FLII: variants seen among roughly 807,000 people sequenced by gnomAD.
The protein encoded by FLII is FLII actin remodeling protein.
Under a neutral mutation model 156.2 loss-of-function variants are expected in FLII, and 101 were observed. The observed-to-expected ratio is 0.65, with a 90% CI of 0.55 to 0.76. The LOEUF is 0.76. Ranked by LOEUF, FLII falls within the 30% of genes least tolerant of loss-of-function variation. The pLI, the probability that FLII is intolerant of heterozygous loss-of-function variation, is 0.00. For synonymous variants in FLII, 767 were observed against 685.8 expected (o/e 1.12, Z -1.85); for missense variants, 1,675 against 1,682.8 (o/e 1.00, Z 0.08).
chr17:18,258,470 G>C lies in FLII; in HGVS notation c.63+158C>G. ...ACAGGCACTGGGCGGAGGCCTCGGAGGTCCATTCCTGGCCAGGGGAGAGCC... is the reference window on the plus strand; with the variant it reads ...ACAGGCACTGGGCGGAGGCCTCGGACGTCCATTCCTGGCCAGGGGAGAGCC... On this transcript the variant is annotated intron_variant, in intron 1 of 29. Coordinates refer to ENST00000327031, the MANE Select transcript of FLII (RefSeq NM_002018.4). The surrounding 1 kb of genome is among the most constrained non-coding windows in gnomAD (Gnocchi z 4.2). 1 of 1,511,558 alleles carries C rather than the reference G, an allele frequency of 6.6e-7. No homozygotes were observed. 93.6% of individuals were successfully genotyped at this position (1,511,558 alleles called of 1,614,324 possible). A position where few individuals can be genotyped will look rare whatever the true frequency, so the allele number is the denominator to read the frequency against.
Position 18,245,994 on chromosome 17 carries a change from G to C in FLII, c.3336C>G (p.Asp1112Glu). 6.2e-7 allele frequency: 1 copy of C among 1,614,110 alleles called. No individual in the cohort carries two copies. Among genetic ancestry groups the C allele is most frequent in the Non-Finnish European group, 8.5e-7 (1 of 1,180,018 alleles). ...YAWVGRASDP[D>E]EAKLAEDILN... ...GGATGTCTTCTGCCAACTTGGCTTCGTCAGGGTCTGATGCCCGGCCCACCC... is the reference window on the plus strand; with the variant it reads ...GGATGTCTTCTGCCAACTTGGCTTCCTCAGGGTCTGATGCCCGGCCCACCC... The change falls in exon 26 of 30, where the codon GAC becomes GAG. Residue 1112 changes from aspartate (D) to glutamate (E), a missense_variant. Around this residue, in one of 2 missense-constraint regions of FLII, gnomAD observed 1,332 missense variants for 1,269.3 expected, o/e 1.05. Transcript: ENST00000327031.
intron 10 of FLII, 25 bp downstream of exon 10, chr17:18,252,447 C>A (rs145518270): frequency 6.2e-7 from 1 of 1,604,534 alleles, no homozygotes; most frequent in Non-Finnish European, 8.5e-7. Flanking sequence ...CTCTCTTGAG[C>A]CCTCTCAAAC....
Position 18,256,946 on chromosome 17 carries a change from C to A in FLII, c.137G>T (p.Cys46Phe). 1.2e-6 allele frequency: 2 copies of A among 1,612,002 alleles called. No individual in the cohort carries two copies. The highest frequency in any genetic ancestry group is 1.7e-6 in the Non-Finnish European group (2 of 1,179,278). Residue 46 changes from cysteine (C) to phenylalanine (F), a missense_variant, in exon 2 of 30, where the codon TGC (cysteine) becomes TTC (phenylalanine). This residue lies in a region of FLII where 343 missense variants were observed against 413.5 expected (regional missense o/e 0.83). Transcript: ENST00000327031. ...RWLKLNRTGL[C>F]YLPEELAALQ... The stretch of plus-strand genomic sequence containing the variant: ...GGCGGCCAGCTCCTCGGGCAGGTAG[C>A]AGAGGCCAGTGCGGTTCAGCTTCAG...
chr17:18,255,178 C>G lies in FLII; in HGVS notation c.327+5G>C. The G allele has an allele frequency of 6.2e-7, 1 of 1,611,744 alleles. No homozygotes were observed. The highest frequency in any genetic ancestry group is 8.5e-7 in the Non-Finnish European group (1 of 1,177,834). ...CAGGGGCCAGGTGAGTGGGTAGCCA[C>G]TGACCAGGACTGAGAGATCATCTAG... On this transcript the variant is annotated splice_donor_5th_base_variant and intron_variant, in intron 4 of 29. Coordinates refer to ENST00000327031, the MANE Select transcript of FLII (RefSeq NM_002018.4).
In FLII at chr17:18,255,207, G is replaced by A. The variant is rs2048379328; in HGVS notation, c.303C>T (p.Phe101=). ...LKNSGVPDDI[F]KLDDLSVLDL... The stretch of plus-strand genomic sequence containing the variant: ...CCAGGACTGAGAGATCATCTAGCTT[G>A]AAGATGTCATCGGGGACTCCGGAAT... Residue 101 remains phenylalanine (F), a synonymous_variant, in exon 4 of 30, where the codon TTC becomes TTT. Transcript: ENST00000327031. The A allele has an allele frequency of 1.2e-6, 2 of 1,613,864 alleles. No individual in the cohort carries two copies. Among genetic ancestry groups the A allele is most frequent in the Non-Finnish European group, 1.7e-6 (2 of 1,179,860 alleles).
chr17:18,254,694 G>C lies in FLII; in HGVS notation c.414-12C>G, dbSNP rs1393042639. The stretch of plus-strand genomic sequence containing the variant: ...GGATGGTGTCGATGCTACGGGTGGG[G>C]AGCAGGAGCCACCTGAGTCAGCACC... On this transcript the variant is annotated splice_polypyrimidine_tract_variant and intron_variant, in intron 5 of 29. Coordinates refer to ENST00000327031, the MANE Select transcript of FLII (RefSeq NM_002018.4). 1 of 1,613,712 alleles carries C rather than the reference G, an allele frequency of 6.2e-7. No individual in the cohort carries two copies. Among genetic ancestry groups the C allele is most frequent in the East Asian group, 2.2e-5 (1 of 44,860 alleles).
Position 18,254,669 on chromosome 17 carries a change from G to A in FLII, c.427C>T (p.Pro143Ser), listed in dbSNP as rs753523225. 79 of 1,613,858 alleles carry A rather than the reference G, an allele frequency of 4.9e-5. 1 individual carries two copies. The South Asian group carries it at 8.3e-4, about 17-fold the overall frequency. ...NLSHNSIDTI[P>S]NQLFINLTDL... The stretch of plus-strand genomic sequence containing the variant: ...GTGAGGTTGATGAAGAGCTGGTTGG[G>A]GATGGTGTCGATGCTACGGGTGGGG... Residue 143 changes from proline to serine, a missense_variant, in exon 6 of 30, where the codon CCC (proline) becomes TCC (serine). Pro to Ser is a moderately conservative substitution (Grantham distance 74). Coordinates refer to ENST00000327031, the MANE Select transcript of FLII (RefSeq NM_002018.4).
chr17:18,246,950 G>A lies in FLII; in HGVS notation c.2779C>T (p.His927Tyr), dbSNP rs2048084417. 1 of 1,614,090 alleles carries A rather than the reference G, an allele frequency of 6.2e-7. No homozygotes were observed. Among genetic ancestry groups the A allele is most frequent in the South Asian group, 1.1e-5 (1 of 91,072 alleles). Residue 927 changes from histidine to tyrosine, a missense_variant, in exon 22 of 30, where the codon CAC (histidine) becomes TAC (tyrosine). This residue lies in a region of FLII where 1,332 missense variants were observed against 1,269.3 expected (regional missense o/e 1.05). Transcript: ENST00000327031. ...FARLPEEEFG[H>Y]FYTQDCYVFL... ...ACGTAGCAGTCCTGCGTGTAGAAGT[G>A]GCCAAACTCCTCTTCCGGCAGCCGC...
chr17:18,250,775 C>T (rs1306341074), intron 14 of FLII, 63 bp downstream of exon 14: 7 of 1,546,756 alleles, frequency 4.5e-6, no homozygotes, highest in Non-Finnish European at 5.3e-6. Context: ...GGGCCCACTG[C>T]CCCTGCACCA....
rs1489800868 is a variant in FLII, at chr17:18,246,146, A to T, written c.3267+16T>A. On this transcript the variant is annotated intron_variant, in intron 25 of 29. Coordinates refer to ENST00000327031, the MANE Select transcript of FLII (RefSeq NM_002018.4). ...CCCTTGGTCCACGGAGTCCTGGCTC[A>T]CACCCACAACCCCACCTTGAGGATG... 2 of 1,613,938 alleles carry T rather than the reference A, an allele frequency of 1.2e-6. No individual in the cohort carries two copies. Among genetic ancestry groups the T allele is most frequent in the African/African-American group, 2.7e-5 (2 of 74,898 alleles).
Position 18,256,581 on chromosome 17 carries a change from C to G in FLII, c.191G>C (p.Ser64Thr). Residue 64 changes from serine (S) to threonine (T), a missense_variant, in exon 3 of 30, where the codon AGC becomes ACC. Physicochemically the swap from Ser to Thr is moderately conservative, Grantham distance 58. Around this residue, in one of 2 missense-constraint regions of FLII, gnomAD observed 343 missense variants for 413.5 expected, o/e 0.83. Transcript: ENST00000327031. Reference sequence around the variant, plus strand: ...ATGAAGCGTGGTCAGGTTGTTGTGGCTCACAGACAAGTGTTCCTGGGCCGG... The same window carrying G: ...ATGAAGCGTGGTCAGGTTGTTGTGGGTCACAGACAAGTGTTCCTGGGCCGG... The part of the protein sequence containing the change: ...ALQKLEHLSV[S>T]HNNLTTLHGE... The G allele has an allele frequency of 6.4e-7, 1 of 1,551,698 alleles. No homozygotes were observed. The highest frequency in any genetic ancestry group is 8.7e-7 in the Non-Finnish European group (1 of 1,147,014).
At chr17:18,250,195 G>A (rs534735315) in intron 14 of FLII, among the ~76,000 whole-genome samples, 8 of 152,250 alleles carry the variant, frequency 5.3e-5, no homozygotes, top group South Asian at 2.1e-4. Context: ...ATATGGACAC[G>A]TTCACCCACG....
Position 18,245,948 on chromosome 17 carries a change from A to T in FLII, c.3382T>A (p.Ser1128Thr), listed in dbSNP as rs779718707. 5 of 1,613,902 alleles carry T rather than the reference A, an allele frequency of 3.1e-6. No homozygotes were observed. Among genetic ancestry groups the T allele is most frequent in the African/African-American group, 1.3e-5 (1 of 74,958 alleles). The change falls in exon 26 of 30, where the codon TCC becomes ACC. Residue 1128 changes from serine (S) to threonine (T), a missense_variant. Coordinates refer to ENST00000327031, the MANE Select transcript of FLII (RefSeq NM_002018.4). The stretch of plus-strand genomic sequence containing the variant: ...CGCCTCCTGACCTGCTTGCTGTAGG[A>T]GGTGTCAAACATGGTGTTCAGGATG... ...EDILNTMFDT[S>T]YSKQVINEGE...
At position 18,250,978 on chromosome 17, in the gene FLII, A is replaced by T. The variant is rs1189874628; in HGVS notation, c.1636T>A (p.Tyr546Asn). ...GTGGCCTCCCCGCCAATCCAGTAGT[A>T]GATCTCCCAGTTGAGGGAGCCGCTG... ...DDSGSLNWEIYYWIGGEATLD... is the reference protein window; with the variant it reads ...DDSGSLNWEINYWIGGEATLD... The change falls in exon 14 of 30, where the codon TAC (tyrosine) becomes AAC (asparagine). Residue 546 changes from tyrosine to asparagine, a missense_variant. Physicochemically the swap from Tyr to Asn is moderately radical, Grantham distance 143. Around this residue, in one of 2 missense-constraint regions of FLII, gnomAD observed 1,332 missense variants for 1,269.3 expected, o/e 1.05. Coordinates refer to ENST00000327031, the MANE Select transcript of FLII (RefSeq NM_002018.4). The T allele has an allele frequency of 1.2e-6, 2 of 1,613,870 alleles. No individual in the cohort carries two copies. The highest frequency in any genetic ancestry group is 1.7e-6 in the Non-Finnish European group (2 of 1,179,900).
intron 12 of FLII, 53 bp from the exon 13 acceptor site, chr17:18,251,530 G>T: frequency 6.4e-7 from 1 of 1,568,166 alleles, no homozygotes. Context: ...ACTCAGGCCA[G>T]TCTTTACTTG....
At chr17:18,247,467 G>A (rs1309326484) in intron 20 of FLII, 110 bp from the exon 21 acceptor site, 3 of 1,194,990 alleles carry the variant, frequency 2.5e-6, no homozygotes, top group East Asian at 2.4e-5. Context: ...CGGGGCTTGG[G>A]AGGCGGGGCC....
rs772240221 is a variant in FLII at position 18,245,988 on chromosome 17, G to C, written c.3342C>G (p.Ala1114=). ...TGTTCAGGATGTCTTCTGCCAACTT[G>C]GCTTCGTCAGGGTCTGATGCCCGGC... is the stretch of plus-strand genomic sequence containing the variant. ...WVGRASDPDE[A]KLAEDILNTM... is the part of the protein sequence containing the mutation. The change falls in exon 26 of 30, where the codon GCC becomes GCG. Residue 1114 remains alanine, a synonymous_variant. Transcript: ENST00000327031. 3.2e-5 allele frequency: 51 copies of C among 1,613,928 alleles called. No homozygotes were observed. Among genetic ancestry groups the C allele is most frequent in the Non-Finnish European group, 4.3e-5 (51 of 1,180,018 alleles).
At position 18,246,774 on chromosome 17, in the gene FLII, C is replaced by T. The variant is rs767578353; in HGVS notation, c.2871G>A (p.Glu957=). 10 of 1,588,224 alleles carry T rather than the reference C, an allele frequency of 6.3e-6. No homozygotes were observed. Among genetic ancestry groups the T allele is most frequent in the Non-Finnish European group, 8.6e-6 (10 of 1,159,474 alleles). ...EEEEKKEDKE[E]KAEGKEGEEA... ...CCTCGCCTTCTTTGCCCTCGGCCTTCTCCTCCTTGTCTTCCTTCTTTTCCT... is the reference window on the plus strand; with the variant it reads ...CCTCGCCTTCTTTGCCCTCGGCCTTTTCCTCCTTGTCTTCCTTCTTTTCCT... Residue 957 remains glutamate, a synonymous_variant, in exon 23 of 30, where the codon GAG becomes GAA. Transcript: ENST00000327031.
chr17:18,245,912 G>A (rs774697171), intron 26 of FLII, 22 bp downstream of exon 26: 21 of 1,611,492 alleles, frequency 1.3e-5, no homozygotes, highest in Middle Eastern at 1.6e-4. Context: ...GTGTGTGCCC[G>A]CCTGCCCGCC....
Sources: gnomAD v4.1 joint callset for allele counts (sites outside exome capture counted in the v4.1 genomes callset) on GRCh38, gnomAD v4.1.1 for gene constraint, gnomAD v4.1.1 regional missense constraint, Gnocchi (gnomAD v3.1) non-coding constraint, MANE v1.5 for transcripts, NCBI Gene and HGNC (gene_info 2026-07-23, HGNC 2026-07-21) for gene names.